The following CCDC141 variants were observed in gnomAD, a reference collection of about 807,000 sequenced individuals.
CCDC141 encodes the protein coiled-coil domain-containing protein 141.
In CCDC141, 168 loss-of-function variants were observed where a neutral mutation model predicts 181.0. The observed-to-expected ratio is 0.93, with a 90% confidence interval of 0.82 to 1.05. The LOEUF is 1.05. CCDC141 is among the 50% of genes least tolerant of loss of function. The pLI, the probability that CCDC141 is intolerant of heterozygous loss-of-function variation, is 0.00. For synonymous variants in CCDC141, 666 were observed against 642.3 expected, an observed-to-expected ratio of 1.04 and a Z score of -0.56; for missense variants, 1,902 against 1,788.5, an observed-to-expected ratio of 1.06 and a Z score of -1.14.
At chr2:178,824,668 C>G in the CCDC141 span, among the ~76,000 whole-genome samples, 1 of 149,564 alleles carries the variant, frequency 6.7e-6, no homozygotes, top group Non-Finnish European at 1.5e-5. Flanking sequence ...TGAGGACCAG[C>G]CCCTGTACCT....
the CCDC141 span, among the ~76,000 whole-genome samples, chr2:178,820,633 G>T: frequency 6.6e-6 from 1 of 152,032 alleles, no homozygotes; most frequent in Non-Finnish European, 1.5e-5. Context: ...GAGATCTAAA[G>T]TTTTCAGATT....
chr2:178,849,919 C>A (rs954257724), intron 21 of CCDC141, 130 bp downstream of exon 21: 20 of 581,914 alleles, frequency 3.4e-5, no homozygotes, highest in Admixed American at 2.1e-4. Context: ...TGTTTGAAAG[C>A]TGTAAAACAA....
At position 178,947,211 on chromosome 2, in the gene CCDC141, C is replaced by T. The variant is rs1381733588; in HGVS notation, c.781-2560G>A. 3.3e-5 allele frequency among the ~76,000 whole-genome samples: 5 copies of T among 152,296 alleles called. No homozygotes were observed. The East Asian group carries it at 9.6e-4, about 29-fold the overall frequency. On this transcript the variant is annotated intron_variant, in intron 5 of 23. Transcript: ENST00000443758. ...CCCAGCGAGTAGCTACTGCAGACAG[C>T]TGCATAGATATTCTAAGTGCACTTT... is the stretch of plus-strand genomic sequence containing the variant.
intron 4 of CCDC141, among the ~76,000 whole-genome samples, chr2:178,965,676 A>G (rs1029147298): frequency 1.1e-4 from 17 of 152,202 alleles, no homozygotes; most frequent in African/African-American, 4.1e-4. Context: ...TTTCAAGCAC[A>G]AAACTTGGCA....
At chr2:178,836,802 A>G in intron 23 of CCDC141, 92 bp downstream of exon 23, 3 of 1,383,226 alleles carry the variant, frequency 2.2e-6, no homozygotes, top group Admixed American at 4.6e-5. Context: ...TTAATCAGCT[A>G]GCCCTAAACC....
intron 4 of CCDC141, among the ~76,000 whole-genome samples, chr2:178,972,070 T>C (rs1449552772): frequency 1.3e-5 from 2 of 151,776 alleles, no homozygotes; most frequent in African/African-American, 2.4e-5. Context: ...ACTTAAAATA[T>C]ATAATTTAAA....
chr2:178,946,755 A>C (rs1254257978), intron 5 of CCDC141, among the ~76,000 whole-genome samples: 3 of 152,110 alleles, frequency 2.0e-5, no homozygotes, highest in African/African-American at 4.8e-5. Flanking sequence ...TACTGACCTC[A>C]TCTTCTAGAT....
intron 5 of CCDC141, among the ~76,000 whole-genome samples, chr2:178,948,697 G>A (rs1198732116): frequency 6.6e-6 from 1 of 152,120 alleles, no homozygotes; most frequent in Non-Finnish European, 1.5e-5. Flanking sequence ...CTGTGGGTGA[G>A]TTCTCCCTTT....
chr2:178,988,164 T>C (rs1691846389), intron 2 of CCDC141, among the ~76,000 whole-genome samples: 1 of 152,086 alleles, frequency 6.6e-6, no homozygotes, highest in South Asian at 2.1e-4. Flanking sequence ...TTCATTTCCT[T>C]TGTAGGGACA....
At chr2:178,904,018 T>C (rs1687840878) in intron 8 of CCDC141, among the ~76,000 whole-genome samples, 1 of 152,112 alleles carries the variant, frequency 6.6e-6, no homozygotes, top group Admixed American at 6.6e-5. Flanking sequence ...CATAGGATCT[T>C]TTCTGTATTG....
intron 2 of CCDC141, among the ~76,000 whole-genome samples, chr2:178,988,320 G>A (rs1401415208): frequency 8.1e-6 from 1 of 123,580 alleles, no homozygotes; most frequent in Non-Finnish European, 1.6e-5. Context: ...GGACTGTTGT[G>A]GGGTGGGGGG....
intron 2 of CCDC141, among the ~76,000 whole-genome samples, chr2:179,014,384 C>T (rs2042364012): frequency 6.6e-6 from 1 of 152,060 alleles, no homozygotes; most frequent in South Asian, 2.1e-4. Flanking sequence ...GACCAAGAAC[C>T]CAAAAGCAAA....
At chr2:178,971,010 C>A (rs1690860776) in intron 4 of CCDC141, among the ~76,000 whole-genome samples, 1 of 152,088 alleles carries the variant, frequency 6.6e-6, no homozygotes, top group East Asian at 1.9e-4. Context: ...GAGTTTGAGA[C>A]CAGCCTGGCC....
intron 2 of CCDC141, among the ~76,000 whole-genome samples, chr2:179,044,535 G>C (rs566701346): frequency 6.6e-6 from 1 of 152,302 alleles, no homozygotes; most frequent in African/African-American, 2.4e-5. Flanking sequence ...GTCCTGGATG[G>C]AGTAGGGATG....
intron 19 of CCDC141, among the ~76,000 whole-genome samples, chr2:178,855,143 A>G (rs539257900): frequency 2.0e-5 from 3 of 152,334 alleles, no homozygotes; most frequent in East Asian, 3.9e-4. Context: ...AAATTGACCA[A>G]TAAAATCAAA....
At chr2:178,843,782 C>T (rs544395061) in intron 22 of CCDC141, among the ~76,000 whole-genome samples, 1 of 152,288 alleles carries the variant, frequency 6.6e-6, no homozygotes, top group South Asian at 2.1e-4. Context: ...TGTGGAGAAT[C>T]ATTACATCTG....
chr2:178,841,692 T>C (rs1415386531), intron 22 of CCDC141, among the ~76,000 whole-genome samples: 2 of 152,242 alleles, frequency 1.3e-5, no homozygotes, highest in Non-Finnish European at 2.9e-5. Flanking sequence ...TTGCCAAGAC[T>C]GGAGTGCAAT....
chr2:178,958,913 G>A (rs1201701242), intron 5 of CCDC141, among the ~76,000 whole-genome samples: 3 of 148,972 alleles, frequency 2.0e-5, no homozygotes, highest in Non-Finnish European at 4.4e-5. Flanking sequence ...AGGTCTTTGT[G>A]TTAATCTGGA....
In CCDC141 at chr2:178,837,851, G is replaced by GGT. The variant is rs386391963; in HGVS notation, c.3475-109_3475-108dup. ...AGAGATAACTCGAGACAACCTACAAGGTTAAAATTTAGGGGGCTGGAGCAA... is the reference window on the plus strand; with the variant it reads ...AGAGATAACTCGAGACAACCTACAAGGTGTTAAAATTTAGGGGGCTGGAGCAA... On this transcript the variant is annotated intron_variant, in intron 22 of 23. Transcript: ENST00000443758. 3.4e-6 allele frequency: 4 copies of GGT among 1,163,438 alleles called. No individual in the cohort carries two copies. The African/African-American group carries it at 1.1e-4, about 32-fold the overall frequency. The allele number at this position is 1,163,438 out of a possible 1,614,324, so 72.1% of individuals were successfully genotyped here.
Sources: gnomAD v4.1 joint callset for allele counts (sites outside exome capture counted in the v4.1 genomes callset) on GRCh38, gnomAD v4.1.1 for gene constraint, MANE v1.5 for transcripts, NCBI Gene and HGNC (gene_info 2026-07-23, HGNC 2026-07-21) for gene names.